The following SHD variants were observed in gnomAD, a reference collection of about 807,000 sequenced individuals.
The protein encoded by SHD is Src homology 2 domain containing transforming protein D.
In SHD, 29 loss-of-function variants were observed where a neutral mutation model predicts 31.2. That is an observed-to-expected ratio of 0.93 (90% CI 0.69 to 1.27). The LOEUF (loss-of-function observed/expected upper bound fraction) is 1.27, where lower values mean the gene tolerates loss of function less well. Among genes scored for constraint, SHD ranks in the 50% most tolerant of loss-of-function variants. SHD has a pLI of 0.00. For synonymous variants in SHD, 208 were observed against 187.8 expected (o/e 1.11, Z -0.88); for missense variants, 520 against 453.8 (o/e 1.15, Z -1.33).
At chr19:4,287,526 T>C (rs1971332937) in intron 4 of SHD, among the ~76,000 whole-genome samples, 1 of 151,956 alleles carries the variant, frequency 6.6e-6, no homozygotes, top group Non-Finnish European at 1.5e-5. Flanking sequence ...GGCTCAAGCC[T>C]GTAATCCCAG....
At chr19:4,288,068 ATT>A in intron 4 of SHD, 173 bp from the exon 5 acceptor site, 3 of 623,360 alleles carry the variant, frequency 4.8e-6, no homozygotes, top group Non-Finnish European at 7.2e-6. Flanking sequence ...CGCCCGGCTA[ATT>A]TTTTTTGTAT....
At chr19:4,286,246 T>C (rs1388506668) in intron 4 of SHD, among the ~76,000 whole-genome samples, 4 of 116,138 alleles carry the variant, frequency 3.4e-5, no homozygotes, top group African/African-American at 1.3e-4. Flanking sequence ...TTTCTTTCTT[T>C]CTTTCTTTCT....
chr19:4,283,174 A>G lies in SHD; in HGVS notation c.524A>G (p.Glu175Gly), dbSNP rs564747740. 1 of 1,614,132 alleles carries G rather than the reference A, an allele frequency of 6.2e-7. No individual in the cohort carries two copies. Among genetic ancestry groups the G allele is most frequent in the African/African-American group, 1.3e-5 (1 of 75,048 alleles). ...PRQSRMPQED[E>G]RPADEYDQPW... ...CAGAGCCGGATGCCCCAGGAAGATG[A>G]ACGGCCAGCAGATGAGTATGATCAG... Residue 175 changes from glutamate to glycine, a missense_variant, in exon 3 of 6, where the codon GAA becomes GGA. Coordinates refer to ENST00000543264, the MANE Select transcript of SHD (RefSeq NM_020209.4).
Position 4,284,817 on chromosome 19 carries a change from G to C in SHD, c.629G>C (p.Gly210Ala), listed in dbSNP as rs1971292090. Residue 210 changes from glycine (G) to alanine (A), a missense_variant, in exon 4 of 6, where the codon GGC becomes GCC. Physicochemically the swap from Gly to Ala is moderately conservative, Grantham distance 60 (BLOSUM62 0). Coordinates refer to ENST00000543264, the MANE Select transcript of SHD (RefSeq NM_020209.4). ...AGTCCAGAGTGGGAGAGGACTCCAGGCTCAGCCAAGGAGCTCCGGAGACCT... is the reference window on the plus strand; with the variant it reads ...AGTCCAGAGTGGGAGAGGACTCCAGCCTCAGCCAAGGAGCTCCGGAGACCT... ...FDSPEWERTP[G>A]SAKELRRPPP... 2 of 1,612,754 alleles carry C rather than the reference G, an allele frequency of 1.2e-6. No homozygotes were observed. Among genetic ancestry groups the C allele is most frequent in the Non-Finnish European group, 1.7e-6 (2 of 1,179,380 alleles).
At chr19:4,289,103 A>ATTTTTTTTTTTTT (rs71166980) in intron 5 of SHD, among the ~76,000 whole-genome samples, 2 of 77,364 alleles carry the variant, frequency 2.6e-5, no homozygotes, top group Non-Finnish European at 4.6e-5. Context: ...TGCCCAGCTA[A>ATTTTTTTTTTTTT]TTTTTTTTTT....
intron 5 of SHD, among the ~76,000 whole-genome samples, chr19:4,288,973 T>C (rs560858733): frequency 6.6e-6 from 1 of 152,102 alleles, no homozygotes; most frequent in East Asian, 1.9e-4. Flanking sequence ...CCTTCTCTCC[T>C]AAAAATACAA....
chr19:4,283,864 C>T (rs1971282409), intron 3 of SHD, among the ~76,000 whole-genome samples: 1 of 151,238 alleles, frequency 6.6e-6, no homozygotes, highest in African/African-American at 2.4e-5. Flanking sequence ...AGGCAGGAGC[C>T]ACCGCGCCCC....
At chr19:4,288,831 A>G (rs925157752) in intron 5 of SHD, among the ~76,000 whole-genome samples, 2 of 152,090 alleles carry the variant, frequency 1.3e-5, no homozygotes, top group East Asian at 1.9e-4. Context: ...GTCTGAGTGG[A>G]AGATCTAAAA....
rs143192359 is a variant in SHD, at chr19:4,290,480, G to A, written c.870G>A (p.Ala290=). 8 of 1,613,180 alleles carry A rather than the reference G, an allele frequency of 5.0e-6. No individual in the cohort carries two copies. The highest frequency in any genetic ancestry group is 2.2e-5 in the East Asian group (1 of 44,856). ...AGGGCTTCCTGCATCTGAAGTTCGC[G>A]CGGACCCGTGAGAACCAGGTGGTGC... The part of the protein sequence containing the change: ...SSQGFLHLKF[A]RTRENQVVLG... Residue 290 remains alanine (A), a synonymous_variant, in exon 6 of 6, where the codon GCG becomes GCA. Transcript: ENST00000543264.
Position 4,284,943 on chromosome 19 carries a change from C to T in SHD, c.716+39C>T, listed in dbSNP as rs994244810. 2.7e-5 allele frequency: 42 copies of T among 1,551,858 alleles called. No individual in the cohort carries two copies. In the Admixed American group the frequency reaches 2.9e-4, roughly 11 times the overall value. ...CTGAAGGTGGAAGAGCCCCGTTGAA[C>T]GTATCTGTAGACTCCAATGTATCAG... On this transcript the variant is annotated intron_variant, in intron 4 of 5. Coordinates refer to ENST00000543264, the MANE Select transcript of SHD (RefSeq NM_020209.4).
At chr19:4,283,006 A>G (rs764533863) in intron 2 of SHD, 31 bp downstream of exon 2, 2 of 1,614,060 alleles carry the variant, frequency 1.2e-6, no homozygotes, top group East Asian at 4.5e-5. Context: ...GGAAGGTGAC[A>G]GGGTCCCAGA....
chr19:4,289,340 T>C (rs997768068), intron 5 of SHD, among the ~76,000 whole-genome samples: 3 of 150,430 alleles, frequency 2.0e-5, no homozygotes, highest in African/African-American at 7.3e-5. Flanking sequence ...CTCGATCTCC[T>C]GACCTCGTGA....
chr19:4,281,390 A>G (rs559776892), intron 1 of SHD, among the ~76,000 whole-genome samples: 1 of 145,350 alleles, frequency 6.9e-6, no homozygotes, highest in African/African-American at 2.5e-5. Context: ...TCAAAGCTGC[A>G]GTGAGTCATG....
chr19:4,287,157 C>T (rs1018087229), intron 4 of SHD, among the ~76,000 whole-genome samples: 5 of 151,700 alleles, frequency 3.3e-5, no homozygotes, highest in African/African-American at 9.7e-5. Context: ...ATGGTGAAAC[C>T]CAGTCTTTAC....
intron 4 of SHD, among the ~76,000 whole-genome samples, chr19:4,285,409 C>T (rs1279639733): frequency 6.6e-6 from 1 of 152,082 alleles, no homozygotes; most frequent in African/African-American, 2.4e-5. Flanking sequence ...CCAGCCTGGG[C>T]GCTCCTTGAG....
At chr19:4,284,681 GC>G in intron 3 of SHD, 99 bp from the exon 4 acceptor site, 1 of 1,345,704 alleles carries the variant, frequency 7.4e-7, no homozygotes, top group Non-Finnish European at 9.7e-7. Flanking sequence ...GTTGTCCCAA[GC>G]TGGCCCTGCC....
intron 1 of SHD, among the ~76,000 whole-genome samples, chr19:4,282,373 T>TCA (rs1180081877): frequency 1.3e-5 from 2 of 150,372 alleles, no homozygotes; most frequent in African/African-American, 4.9e-5. Context: ...TGAGCCGAGA[T>TCA]CACACCACTG....
chr19:4,287,367 G>T (rs1568369746), intron 4 of SHD, among the ~76,000 whole-genome samples: 3 of 151,920 alleles, frequency 2.0e-5, no homozygotes, highest in Non-Finnish European at 4.4e-5. Context: ...AACAGAAAGG[G>T]ACAGGTGGGT....
rs1321948300 is a variant in SHD at position 4,279,513 on chromosome 19, G to A, written c.-551G>A. 1.3e-5 allele frequency: 2 copies of A among 152,398 alleles called. No individual in the cohort carries two copies. Among genetic ancestry groups the A allele is most frequent in the African/African-American group, 4.8e-5 (2 of 41,478 alleles). The allele number at this position is 152,398 out of a possible 1,614,324, so 9.4% of individuals were successfully genotyped here. ...GCGACAAAGGATGCGTCCCGCCGGG[G>A]TCACAGTCTCCGCGGCCCAACTTTG... On this transcript the variant is annotated 5_prime_UTR_variant, in exon 1 of 6. Coordinates refer to ENST00000543264, the MANE Select transcript of SHD (RefSeq NM_020209.4). The surrounding 1 kb of genome is among the most constrained non-coding windows in gnomAD (Gnocchi z 7.5).
Sources: allele counts gnomAD v4.1 joint callset (sites outside exome capture counted in the v4.1 genomes callset), GRCh38; gene constraint gnomAD v4.1.1; non-coding constraint Gnocchi (gnomAD v3.1); transcripts MANE v1.5; gene names NCBI Gene and HGNC (gene_info 2026-07-23, HGNC 2026-07-21).